UACA: variants seen among roughly 807,000 people sequenced by gnomAD.
UACA encodes uveal autoantigen with coiled-coil domains and ankyrin repeats, also known as nuclear membrane binding protein.
A neutral mutation model predicts 160.5 loss-of-function variants in UACA; 112 were observed. The ratio of observed to expected loss-of-function variants is 0.70; its 90% CI spans 0.60 to 0.82. The LOEUF (loss-of-function observed/expected upper bound fraction) is 0.82, where lower values mean the gene tolerates loss of function less well. Ranked by LOEUF, UACA falls within the 40% of genes least tolerant of loss-of-function variation. UACA has a pLI of 0.00. For missense variants in UACA, 1,574 were observed against 1,614.6 expected (o/e 0.97, Z 0.43); for synonymous variants, 557 against 568.4 (o/e 0.98, Z 0.29).
At chr15:70,707,191 A>C (rs1898545559) in intron 1 of UACA, among the ~76,000 whole-genome samples, 1 of 152,178 alleles carries the variant, frequency 6.6e-6, no homozygotes, top group South Asian at 2.1e-4. Context: ...GAGAAAGAAC[A>C]ATCTCCTCAA....
chr15:70,736,024 T>A (rs1899353787), intron 1 of UACA, among the ~76,000 whole-genome samples: 1 of 152,226 alleles, frequency 6.6e-6, no homozygotes, highest in Admixed American at 6.5e-5. Context: ...GTTTTTTTTA[T>A]ACTTTTGTAA....
chr15:70,740,376 G>C (rs937977788), intron 1 of UACA, among the ~76,000 whole-genome samples: 2 of 151,848 alleles, frequency 1.3e-5, no homozygotes, highest in Non-Finnish European at 2.9e-5. Flanking sequence ...AACTTTGGGA[G>C]GCCAAGGTGG....
rs774340258 is a variant in UACA, at chr15:70,676,537, A to C, written c.1087T>G (p.Leu363Val). Residue 363 changes from leucine (L) to valine (V), a missense_variant, in exon 13 of 19, where the codon TTA becomes GTA. By Grantham distance (32) the Leu-to-Val change is conservative. Transcript: ENST00000322954. ...TTTTTCAGAGCCTCAATAGTCCTTAAGCTTTCTTCATGTTGCTTTTCTTTA... is the reference window on the plus strand; with the variant it reads ...TTTTTCAGAGCCTCAATAGTCCTTACGCTTTCTTCATGTTGCTTTTCTTTA... ...AAKEKQHEES[L>V]RTIEALKNRF... 3.7e-6 allele frequency: 6 copies of C among 1,612,930 alleles called. No individual in the cohort carries two copies. In the South Asian group the frequency reaches 6.6e-5, roughly 18 times the overall value.
At chr15:70,764,737 T>C (rs1370572289), upstream of UACA, among the ~76,000 whole-genome samples, 1 of 152,322 alleles carries the variant, frequency 6.6e-6, no homozygotes, top group East Asian at 1.9e-4. Context: ...CCCAAAAATA[T>C]TATTAAATTT....
intron 1 of UACA, among the ~76,000 whole-genome samples, chr15:70,754,494 G>GTA (rs1333884478): frequency 6.6e-6 from 1 of 152,198 alleles, no homozygotes; most frequent in African/African-American, 2.4e-5. Flanking sequence ...ATGATGTTGT[G>GTA]TAGGTTAGGT....
chr15:70,667,950 C>T lies in UACA; in HGVS notation c.2734G>A (p.Glu912Lys). ...DKNEILKRNL[E>K]NTQNQIKAEY... is the part of the protein sequence containing the mutation. ...GCTTTTATTTGGTTCTGAGTGTTTTCCAGGTTTCTTTTTAATATTTCATTC... is the reference window on the plus strand; with the variant it reads ...GCTTTTATTTGGTTCTGAGTGTTTTTCAGGTTTCTTTTTAATATTTCATTC... Residue 912 changes from glutamate (E) to lysine (K), a missense_variant, in exon 16 of 19, where the codon GAA becomes AAA. Coordinates refer to ENST00000322954, the MANE Select transcript of UACA (RefSeq NM_018003.4). 1 of 1,610,146 alleles carries T rather than the reference C, an allele frequency of 6.2e-7. No individual in the cohort carries two copies. Among genetic ancestry groups the T allele is most frequent in the Non-Finnish European group, 8.5e-7 (1 of 1,178,604 alleles).
chr15:70,680,439 TTTG>T (rs1897458939), intron 9 of UACA, among the ~76,000 whole-genome samples: 1 of 152,230 alleles, frequency 6.6e-6, no homozygotes, highest in Non-Finnish European at 1.5e-5. Context: ...TTTCTCATGT[TTTG>T]TATTATTTGT....
intron 13 of UACA, 21 bp downstream of exon 13, chr15:70,676,472 A>T (rs1433032100): frequency 6.6e-7 from 1 of 1,515,988 alleles, no homozygotes; most frequent in Non-Finnish European, 9.1e-7. Flanking sequence ...AATTACAGGA[A>T]ATAATTTATC....
intron 18 of UACA, among the ~76,000 whole-genome samples, chr15:70,658,648 C>T (rs982732512): frequency 6.6e-6 from 1 of 152,128 alleles, no homozygotes; most frequent in South Asian, 2.1e-4. Context: ...AATGGTGGCA[C>T]GAGTTGATTA....
At chr15:70,698,452 A>G (rs1365974631) in intron 2 of UACA, among the ~76,000 whole-genome samples, 1 of 152,232 alleles carries the variant, frequency 6.6e-6, no homozygotes, top group East Asian at 1.9e-4. Flanking sequence ...ATGGGGCAAG[A>G]TTCAAAATAA....
intron 1 of UACA, among the ~76,000 whole-genome samples, chr15:70,745,616 A>T (rs1379127764): frequency 6.6e-6 from 1 of 152,162 alleles, no homozygotes; most frequent in Non-Finnish European, 1.5e-5. Flanking sequence ...AACTACTTTA[A>T]ATTTCATATG....
intron 1 of UACA, among the ~76,000 whole-genome samples, chr15:70,743,865 AT>A (rs898141025): frequency 7.2e-5 from 11 of 152,308 alleles, no homozygotes; most frequent in African/African-American, 2.4e-4. Context: ...CTCCAGTTTC[AT>A]TTTAAGTATA....
At chr15:70,658,805 C>T (rs1435889767) in intron 18 of UACA, among the ~76,000 whole-genome samples, 1 of 152,056 alleles carries the variant, frequency 6.6e-6, no homozygotes, top group Non-Finnish European at 1.5e-5. Flanking sequence ...GTTTCTATAA[C>T]AGCAGGATGT....
intron 9 of UACA, 177 bp from the exon 10 acceptor site, chr15:70,679,853 CTA>C (rs1396060192): frequency 6.4e-5 from 24 of 372,396 alleles, no homozygotes; most frequent in Admixed American, 1.8e-4. Context: ...ACCTTTAAGA[CTA>C]TGTTTTAAAT....
upstream of UACA, chr15:70,768,030 A>AT (rs2031057717): frequency 6.6e-6 from 1 of 152,212 alleles, no homozygotes; most frequent in Admixed American, 6.5e-5. Flanking sequence ...AAGAATCTGT[A>AT]TTTTTAGTAA....
chr15:70,704,851 C>CA (rs919499412), intron 1 of UACA, among the ~76,000 whole-genome samples: 3 of 152,120 alleles, frequency 2.0e-5, no homozygotes, highest in Non-Finnish European at 4.4e-5. Flanking sequence ...AGGCAGCCCA[C>CA]AAAATCACAG....
chr15:70,678,713 A>G (rs1897373462), intron 10 of UACA, among the ~76,000 whole-genome samples: 1 of 152,198 alleles, frequency 6.6e-6, no homozygotes, highest in South Asian at 2.1e-4. Context: ...TCAATTTATC[A>G]TTTAACGGTG....
At chr15:70,755,273 T>C (rs2030350263) in intron 1 of UACA, among the ~76,000 whole-genome samples, 1 of 152,054 alleles carries the variant, frequency 6.6e-6, no homozygotes, top group South Asian at 2.1e-4. Context: ...AACTCACTAA[T>C]AGGATAATTT....
Position 70,720,028 on chromosome 15 carries a change from G to A in UACA, c.79-20368C>T, listed in dbSNP as rs571415279. 1.7e-3 allele frequency among the ~76,000 whole-genome samples: 253 copies of A among 152,278 alleles called. 14 individuals carry two copies. In the South Asian group the frequency reaches 0.052, roughly 31 times the overall value. On this transcript the variant is annotated intron_variant, in intron 1 of 18. Transcript: ENST00000322954. ...AATCCCCAATGTTGGAGGTCAGCCT[G>A]GTGAGAGGTGACTGGATCATGGAGG...
Sources: allele counts gnomAD v4.1 joint callset (sites outside exome capture counted in the v4.1 genomes callset), GRCh38; gene constraint gnomAD v4.1.1; transcripts MANE v1.5; gene names NCBI Gene and HGNC (gene_info 2026-07-23, HGNC 2026-07-21).